CLSTN2: variants seen among roughly 807,000 people sequenced by gnomAD.
CLSTN2 encodes calsyntenin-2.
A neutral mutation model predicts 101.2 loss-of-function variants in CLSTN2; 48 were observed. The observed-to-expected ratio is 0.47, with a 90% CI of 0.38 to 0.60. The LOEUF is 0.60. Ranked by LOEUF, CLSTN2 falls within the 20% of genes least tolerant of loss-of-function variation. The pLI is 0.00. For synonymous variants in CLSTN2, 481 were observed against 463.6 expected, an observed-to-expected ratio of 1.04 and a Z score of -0.48; for missense variants, 1,160 against 1,238.2, an observed-to-expected ratio of 0.94 and a Z score of 0.95.
rs138553856 is a variant in CLSTN2, at chr3:140,357,109, T to C, written c.233-46520T>C. ...CATTGTGAGTCTTGAGCAAGTCCCCTCTCTTGAACCTCAATCTGGAAAATG... is the reference window on the plus strand; with the variant it reads ...CATTGTGAGTCTTGAGCAAGTCCCCCCTCTTGAACCTCAATCTGGAAAATG... On this transcript the variant is annotated intron_variant, in intron 2 of 16. Coordinates refer to ENST00000458420, the MANE Select transcript of CLSTN2 (RefSeq NM_022131.3). Among the ~76,000 whole-genome samples the C allele has an allele frequency of 2.6e-5, 4 of 152,290 alleles. No individual in the cohort carries two copies. The East Asian group carries it at 7.7e-4, about 29-fold the overall frequency.
chr3:140,452,104 C>A (rs561432757), intron 6 of CLSTN2, among the ~76,000 whole-genome samples: 55 of 152,210 alleles, frequency 3.6e-4, no homozygotes, highest in Non-Finnish European at 6.0e-4. Context: ...TGCTGCCAAC[C>A]AGAGCCAGGT....
At chr3:140,067,351 T>C (rs112015969) in intron 1 of CLSTN2, among the ~76,000 whole-genome samples, 1,787 of 152,326 alleles carry the variant, frequency 0.012, 15 homozygotes, top group Non-Finnish European at 0.018. Flanking sequence ...TCCAGCTCCA[T>C]TGATGGGGTG....
At chr3:139,944,503 G>A (rs910884079) in intron 1 of CLSTN2, among the ~76,000 whole-genome samples, 3 of 152,164 alleles carry the variant, frequency 2.0e-5, no homozygotes, top group Admixed American at 6.5e-5. Flanking sequence ...TCCAGGTGGG[G>A]GCTGTGCTCC....
chr3:139,968,432 A>C (rs910301054), intron 1 of CLSTN2, among the ~76,000 whole-genome samples: 4 of 152,184 alleles, frequency 2.6e-5, no homozygotes, highest in African/African-American at 4.8e-5. Context: ...TGAGTTGATT[A>C]ATGCCACTAT....
chr3:139,968,003 G>A (rs1211522383), intron 1 of CLSTN2, among the ~76,000 whole-genome samples: 1 of 152,058 alleles, frequency 6.6e-6, no homozygotes, highest in Non-Finnish European at 1.5e-5. Flanking sequence ...GTGTGTGTGT[G>A]CATGTGTGTG....
intron 1 of CLSTN2, among the ~76,000 whole-genome samples, chr3:139,993,060 C>T (rs1041917951): frequency 2.0e-5 from 3 of 152,146 alleles, no homozygotes; most frequent in Non-Finnish European, 2.9e-5. Context: ...TTGGTCAATG[C>T]GTGAGATCTT....
intron 1 of CLSTN2, among the ~76,000 whole-genome samples, chr3:139,956,365 A>G (rs1040674368): frequency 2.6e-5 from 4 of 152,164 alleles, no homozygotes; most frequent in Admixed American, 1.3e-4. Flanking sequence ...TGAGTACCTC[A>G]GAAGAGAAGA....
At chr3:140,065,008 A>G (rs2008274917) in intron 1 of CLSTN2, among the ~76,000 whole-genome samples, 1 of 152,254 alleles carries the variant, frequency 6.6e-6, no homozygotes, top group Non-Finnish European at 1.5e-5. Flanking sequence ...GCATTCTGAG[A>G]AAGTATGCAT....
chr3:140,178,325 A>G (rs1301067320), intron 2 of CLSTN2, among the ~76,000 whole-genome samples: 1 of 152,214 alleles, frequency 6.6e-6, no homozygotes, highest in Admixed American at 6.5e-5. Context: ...GGGCCGAAGA[A>G]GAATTAAATG....
chr3:140,251,427 T>C (rs1410081564), intron 2 of CLSTN2, among the ~76,000 whole-genome samples: 2 of 152,240 alleles, frequency 1.3e-5, no homozygotes, highest in Non-Finnish European at 2.9e-5. Context: ...ACTAAGAGTC[T>C]GAAGTGCTAA....
intron 2 of CLSTN2, among the ~76,000 whole-genome samples, chr3:140,244,318 A>T (rs1195336856): frequency 6.6e-6 from 1 of 152,196 alleles, no homozygotes; most frequent in Non-Finnish European, 1.5e-5. Context: ...CTAGAAGGGA[A>T]TTATTGTAGT....
At chr3:139,972,425 A>C (rs1483487993) in intron 1 of CLSTN2, among the ~76,000 whole-genome samples, 3 of 152,204 alleles carry the variant, frequency 2.0e-5, no homozygotes, top group Non-Finnish European at 4.4e-5. Context: ...TATTGTTAGC[A>C]TCTCTCTGGG....
At chr3:140,434,707 C>G (rs1349124646) in intron 5 of CLSTN2, among the ~76,000 whole-genome samples, 1 of 152,202 alleles carries the variant, frequency 6.6e-6, no homozygotes, top group Non-Finnish European at 1.5e-5. Flanking sequence ...TGCTTAACTG[C>G]TACGCCTCCA....
chr3:140,448,030 T>TA (rs1933134441), intron 5 of CLSTN2, among the ~76,000 whole-genome samples: 1 of 152,134 alleles, frequency 6.6e-6, no homozygotes, highest in African/African-American at 2.4e-5. Flanking sequence ...AGTTAAAACA[T>TA]AAATTTTGAG....
At chr3:139,986,300 C>T (rs1029820977) in intron 1 of CLSTN2, among the ~76,000 whole-genome samples, 23 of 152,096 alleles carry the variant, frequency 1.5e-4, no homozygotes. Context: ...TTAATAATAA[C>T]AGTTACCCTT....
intron 2 of CLSTN2, among the ~76,000 whole-genome samples, chr3:140,358,935 G>A (rs1007196257): frequency 2.6e-5 from 4 of 152,084 alleles, no homozygotes; most frequent in African/African-American, 9.7e-5. Context: ...ACAAATGAGA[G>A]AGCAGAGGCC....
intron 2 of CLSTN2, among the ~76,000 whole-genome samples, chr3:140,177,701 G>C (rs1291351961): frequency 1.3e-5 from 2 of 152,246 alleles, no homozygotes; most frequent in African/African-American, 4.8e-5. Context: ...GCCGAGGCAG[G>C]AGGATCGCTT....
intron 1 of CLSTN2, among the ~76,000 whole-genome samples, chr3:140,062,000 G>T (rs1245542057): frequency 6.6e-6 from 1 of 152,194 alleles, no homozygotes; most frequent in African/African-American, 2.4e-5. Context: ...TCTGCAAGCT[G>T]CAGGAGTGGC....
chr3:139,956,686 G>C (rs929578473), intron 1 of CLSTN2, among the ~76,000 whole-genome samples: 1 of 152,174 alleles, frequency 6.6e-6, no homozygotes, highest in Non-Finnish European at 1.5e-5. Flanking sequence ...GGCTCTGACA[G>C]GTTAAAGCTA....
Sources: allele counts gnomAD v4.1 joint callset (sites outside exome capture counted in the v4.1 genomes callset), GRCh38; gene constraint gnomAD v4.1.1; transcripts MANE v1.5; gene names NCBI Gene and HGNC (gene_info 2026-07-23, HGNC 2026-07-21).